GABRG3: variants seen among roughly 807,000 people sequenced by gnomAD.
GABRG3 encodes gamma-aminobutyric acid receptor subunit gamma-3.
A neutral mutation model predicts 48.8 loss-of-function variants in GABRG3; 25 were observed. The ratio of observed to expected loss-of-function variants is 0.51; its 90% CI spans 0.37 to 0.72. The LOEUF is 0.72. GABRG3 is among the 30% of genes least tolerant of loss of function. The probability of loss-of-function intolerance (pLI) is 0.00; values close to 1 mark genes in which losing one functional copy is unlikely to be tolerated. For missense variants in GABRG3, 394 were observed against 577.9 expected, an observed-to-expected ratio of 0.68 and a Z score of 3.26; for synonymous variants, 227 against 217.6, an observed-to-expected ratio of 1.04 and a Z score of -0.38.
At chr15:26,996,794 C>A (rs1269594727) in intron 2 of GABRG3, among the ~76,000 whole-genome samples, 1 of 151,944 alleles carries the variant, frequency 6.6e-6, no homozygotes, top group Non-Finnish European at 1.5e-5. Context: ...GGACTACAGG[C>A]CCCTGCCACC....
intron 3 of GABRG3, among the ~76,000 whole-genome samples, chr15:27,292,128 T>A (rs945565196): frequency 3.9e-5 from 6 of 152,166 alleles, no homozygotes; most frequent in Admixed American, 1.3e-4. Context: ...CATCCTTTTT[T>A]AATGCTGCAT....
At chr15:27,266,656 A>G (rs1251675884) in intron 3 of GABRG3, among the ~76,000 whole-genome samples, 1 of 152,238 alleles carries the variant, frequency 6.6e-6, no homozygotes, top group African/African-American at 2.4e-5. Flanking sequence ...CTTCTGACAT[A>G]CAAACACAGT....
chr15:27,291,740 A>G (rs1167815508), intron 3 of GABRG3, among the ~76,000 whole-genome samples: 3 of 152,226 alleles, frequency 2.0e-5, no homozygotes, highest in Non-Finnish European at 4.4e-5. Context: ...TCAGTGGCAG[A>G]GTGGAAACTG....
chr15:27,227,887 G>A (rs973606543), intron 3 of GABRG3, among the ~76,000 whole-genome samples: 1 of 152,098 alleles, frequency 6.6e-6, no homozygotes. Flanking sequence ...TACATCACAT[G>A]AAACTGCTGG....
intron 3 of GABRG3, among the ~76,000 whole-genome samples, chr15:27,306,146 A>G (rs1159778315): frequency 7.8e-6 from 1 of 127,426 alleles, no homozygotes; most frequent in African/African-American, 3.0e-5. Flanking sequence ...ATATAAACAT[A>G]TATAATATAA....
intron 3 of GABRG3, among the ~76,000 whole-genome samples, chr15:27,254,183 G>A (rs753266630): frequency 4.6e-5 from 7 of 152,180 alleles, no homozygotes; most frequent in Non-Finnish European, 1.0e-4. Context: ...GCCTTCAGCG[G>A]CTCCACACAC....
intron 5 of GABRG3, among the ~76,000 whole-genome samples, chr15:27,377,253 T>G (rs1895626297): frequency 6.6e-6 from 1 of 152,210 alleles, no homozygotes; most frequent in African/African-American, 2.4e-5. Flanking sequence ...TCCAGGAAGT[T>G]CCAAACTTTT....
At chr15:27,487,878 T>A (rs896309618) in intron 6 of GABRG3, among the ~76,000 whole-genome samples, 3 of 152,234 alleles carry the variant, frequency 2.0e-5, no homozygotes, top group African/African-American at 7.2e-5. Flanking sequence ...TTGTTTTACA[T>A]GCTTTTTTGA....
At chr15:27,443,688 T>G (rs991580533) in intron 5 of GABRG3, among the ~76,000 whole-genome samples, 2 of 152,212 alleles carry the variant, frequency 1.3e-5, no homozygotes, top group Non-Finnish European at 1.5e-5. Context: ...TAACACTGAA[T>G]GAGAGTGGCA....
chr15:27,497,273 CCTCTCTGAGTTCTTAA>C (rs1177427261), intron 6 of GABRG3, among the ~76,000 whole-genome samples: 7 of 152,212 alleles, frequency 4.6e-5, no homozygotes, highest in Admixed American at 3.9e-4. Context: ...ATACTTCCTT[CCTCTCTGAGTTCTTAA>C]CTTGGGTGGG....
In GABRG3 at chr15:27,408,791, A is replaced by C. The variant is rs146805004; in HGVS notation, c.575-71859A>C. ...TGCACATATTATAAGATAAACATTC[A>C]AAAAAGACAGGAAACTGGACCCATT... is the stretch of plus-strand genomic sequence containing the variant. On this transcript the variant is annotated intron_variant, in intron 5 of 9. Transcript: ENST00000615808. 3.0e-3 allele frequency among the ~76,000 whole-genome samples: 457 copies of C among 152,278 alleles called. 3 individuals carry two copies. Among genetic ancestry groups the C allele is most frequent in the African/African-American group, 9.9e-3 (411 of 41,550 alleles).
intron 5 of GABRG3, among the ~76,000 whole-genome samples, chr15:27,443,485 C>A (rs1271728683): frequency 6.6e-6 from 1 of 152,194 alleles, no homozygotes; most frequent in Non-Finnish European, 1.5e-5. Flanking sequence ...CATTTTGAAT[C>A]ATATATTGCT....
At chr15:27,030,647 C>T (rs1896066566) in intron 3 of GABRG3, among the ~76,000 whole-genome samples, 1 of 151,682 alleles carries the variant, frequency 6.6e-6, no homozygotes, top group East Asian at 1.9e-4. Flanking sequence ...TGAGAATATC[C>T]ACTTCAAGCA....
Position 27,512,229 on chromosome 15 carries a change from A to G in GABRG3, c.713-7743A>G, listed in dbSNP as rs1018026630. Reference sequence around the variant, plus strand: ...ATTATTATTATATTGCAATAATATTATATTGTATTATTATTATTACAATAA... The same window carrying G: ...ATTATTATTATATTGCAATAATATTGTATTGTATTATTATTATTACAATAA... On this transcript the variant is annotated intron_variant, in intron 6 of 9. Coordinates refer to ENST00000615808, the MANE Select transcript of GABRG3 (RefSeq NM_033223.5). 5.7e-4 allele frequency among the ~76,000 whole-genome samples: 87 copies of G among 152,310 alleles called. 1 individual carries two copies. The highest frequency in any genetic ancestry group is 2.1e-3 in the African/African-American group (86 of 41,558).
chr15:27,020,557 G>T (rs954814885), intron 2 of GABRG3, among the ~76,000 whole-genome samples: 1 of 149,904 alleles, frequency 6.7e-6, no homozygotes, highest in Non-Finnish European at 1.5e-5. Flanking sequence ...GACTACAGGC[G>T]CCCGCCACCA....
chr15:27,244,511 G>A (rs139950967), intron 3 of GABRG3, among the ~76,000 whole-genome samples: 33 of 152,350 alleles, frequency 2.2e-4, no homozygotes, highest in African/African-American at 7.7e-4. Flanking sequence ...TAGGTCTGTT[G>A]CGTTTACTGC....
rs1894673515 is a variant in GABRG3 at position 27,352,868 on chromosome 15, A to G, written c.574+23980A>G. The stretch of plus-strand genomic sequence containing the variant: ...GGGGGGCGTAAAATAAGACTCCAGC[A>G]CATGCTCACTTGGTAAGTCATTGCA... On this transcript the variant is annotated intron_variant, in intron 5 of 9. Coordinates refer to ENST00000615808, the MANE Select transcript of GABRG3 (RefSeq NM_033223.5). This position sits in a 1 kb window ranked among gnomAD's most constrained non-coding sequence, Gnocchi z 4.0. 6.6e-6 allele frequency among the ~76,000 whole-genome samples: 1 copy of G among 152,174 alleles called. No individual in the cohort carries two copies.
chr15:27,008,032 C>G (rs7180500), intron 2 of GABRG3, among the ~76,000 whole-genome samples: 2 of 152,070 alleles, frequency 1.3e-5, no homozygotes, highest in Admixed American at 6.5e-5. Flanking sequence ...AATACAAACT[C>G]TTACTAAACA....
At chr15:27,490,862 C>T (rs576697743) in intron 6 of GABRG3, among the ~76,000 whole-genome samples, 107 of 152,306 alleles carry the variant, frequency 7.0e-4, no homozygotes, top group Non-Finnish European at 1.1e-3. Context: ...TTGTGTGGCC[C>T]CACGTGTGGC....
Sources: allele counts gnomAD v4.1 joint callset (sites outside exome capture counted in the v4.1 genomes callset), GRCh38; gene constraint gnomAD v4.1.1; non-coding constraint Gnocchi (gnomAD v3.1); transcripts MANE v1.5; gene names NCBI Gene and HGNC (gene_info 2026-07-23, HGNC 2026-07-21).